Variants in FMN2 observed in about 807,000 individuals in gnomAD.
FMN2 encodes formin-2.
In FMN2, 51 loss-of-function variants were observed where a neutral mutation model predicts 142.3. That is an observed-to-expected ratio of 0.36 (90% CI 0.29 to 0.45). The LOEUF (loss-of-function observed/expected upper bound fraction) is 0.45. FMN2 is among the 20% of genes least tolerant of loss of function. The pLI is 1.00. For synonymous variants in FMN2, 882 were observed against 869.8 expected (o/e 1.01, Z -0.25); for missense variants, 1,936 against 2,122.8 (o/e 0.91, Z 1.73).
chr1:240,361,357 C>G (rs1672476211), intron 14 of FMN2, among the ~76,000 whole-genome samples: 2 of 151,640 alleles, frequency 1.3e-5, no homozygotes, highest in African/African-American at 4.8e-5. Context: ...TGGGGAGCAA[C>G]AGTTTCCCAG....
intron 8 of FMN2, among the ~76,000 whole-genome samples, chr1:240,313,593 A>G (rs908727235): frequency 1.3e-5 from 2 of 152,150 alleles, no homozygotes; most frequent in Non-Finnish European, 2.9e-5. Context: ...ATACTGCAGC[A>G]TGGTTTTATT....
intron 8 of FMN2, among the ~76,000 whole-genome samples, chr1:240,303,910 A>T (rs1670288873): frequency 6.6e-6 from 1 of 151,940 alleles, no homozygotes; most frequent in African/African-American, 2.4e-5. Flanking sequence ...AAGTTCATGG[A>T]TTCATTCTTT....
chr1:240,298,526 C>A (rs547027644), intron 8 of FMN2, among the ~76,000 whole-genome samples: 65 of 152,288 alleles, frequency 4.3e-4, no homozygotes, highest in Middle Eastern at 3.4e-3. Context: ...CTGTTAGGAA[C>A]TGGGCCACAC....
At chr1:240,279,402 T>A (rs142538402) in intron 7 of FMN2, among the ~76,000 whole-genome samples, 30 of 151,710 alleles carry the variant, frequency 2.0e-4, no homozygotes, top group African/African-American at 7.3e-4. Flanking sequence ...GAGGAAGAGG[T>A]TGGGGTTGGG....
chr1:240,371,470 C>T (rs991060286), intron 14 of FMN2, among the ~76,000 whole-genome samples: 1 of 152,092 alleles, frequency 6.6e-6, no homozygotes, highest in Non-Finnish European at 1.5e-5. Context: ...TGACGTGAAT[C>T]TTCCAGTTTT....
At chr1:240,344,674 A>C (rs547486945) in intron 13 of FMN2, among the ~76,000 whole-genome samples, 262 of 152,304 alleles carry the variant, frequency 1.7e-3, no homozygotes, top group African/African-American at 6.2e-3. Context: ...CTAAGATTTG[A>C]TGCCATTTAT....
chr1:240,458,725 A>C (rs1320026326), intron 16 of FMN2: 1 of 152,246 alleles, frequency 6.6e-6, no homozygotes, highest in Non-Finnish European at 1.5e-5. Context: ...TCTGATAATA[A>C]AAGATGAATC....
At chr1:240,289,842 C>G (rs1262162341) in intron 7 of FMN2, among the ~76,000 whole-genome samples, 4 of 152,126 alleles carry the variant, frequency 2.6e-5, no homozygotes, top group Non-Finnish European at 5.9e-5. Context: ...AAGTCCTTTC[C>G]CTTCTGTGCA....
At chr1:240,385,797 A>C (rs1474130260) in intron 14 of FMN2, among the ~76,000 whole-genome samples, 1 of 152,082 alleles carries the variant, frequency 6.6e-6, no homozygotes, top group African/African-American at 2.4e-5. Context: ...AGTATGTGTC[A>C]TTTTCTATTA....
chr1:240,169,991 TTTC>T (rs1167393636), intron 2 of FMN2, among the ~76,000 whole-genome samples: 1 of 152,202 alleles, frequency 6.6e-6, no homozygotes, highest in Non-Finnish European at 1.5e-5. Flanking sequence ...GTGCTGATAG[TTTC>T]TTATTAAGAG....
intron 15 of FMN2, among the ~76,000 whole-genome samples, chr1:240,429,971 T>C (rs1468057401): frequency 2.6e-5 from 4 of 151,402 alleles, no homozygotes; most frequent in Non-Finnish European, 5.9e-5. Flanking sequence ...CTGCAAGCTC[T>C]GCCTCCCGGG....
chr1:240,254,969 G>T (rs2102892050), intron 6 of FMN2, among the ~76,000 whole-genome samples: 1 of 152,286 alleles, frequency 6.6e-6, no homozygotes, highest in Non-Finnish European at 1.5e-5. Context: ...CCCTCTGGAG[G>T]GGTGCCGCTG....
intron 7 of FMN2, among the ~76,000 whole-genome samples, chr1:240,276,155 G>C (rs534847384): frequency 1.3e-5 from 2 of 152,302 alleles, no homozygotes; most frequent in Admixed American, 6.5e-5. Context: ...TAGTATGAAT[G>C]CTGGGCAGCA....
chr1:240,281,109 T>C (rs1253852473), intron 7 of FMN2, among the ~76,000 whole-genome samples: 1 of 152,160 alleles, frequency 6.6e-6, no homozygotes, highest in East Asian at 1.9e-4. Context: ...CATAGGTGTA[T>C]GAAGCCTACC....
At chr1:240,413,386 A>G (rs1674479615) in intron 15 of FMN2, among the ~76,000 whole-genome samples, 2 of 152,012 alleles carry the variant, frequency 1.3e-5, no homozygotes, top group Admixed American at 1.3e-4. Context: ...TAGGAGTGAC[A>G]TGAGAACTGA....
chr1:240,181,495 C>T (rs1412819168), intron 3 of FMN2, among the ~76,000 whole-genome samples: 1 of 152,154 alleles, frequency 6.6e-6, no homozygotes, highest in African/African-American at 2.4e-5. Flanking sequence ...GGAACTGACC[C>T]TTCTTTGTAT....
At chr1:240,310,334 A>G (rs367607619) in intron 8 of FMN2, among the ~76,000 whole-genome samples, 5 of 152,304 alleles carry the variant, frequency 3.3e-5, no homozygotes, top group African/African-American at 1.2e-4. Context: ...TCTCTGTGAA[A>G]CAGATGGAAG....
intron 1 of FMN2, among the ~76,000 whole-genome samples, chr1:240,099,320 T>G (rs73128544): frequency 0.053 from 8,046 of 151,330 alleles, 422 homozygotes; most frequent in African/African-American, 0.13. Context: ...GTTTTGTTTT[T>G]TTTTGCAAAT....
At chr1:240,176,219 AT>A (rs1321790192) in intron 2 of FMN2, among the ~76,000 whole-genome samples, 4 of 152,124 alleles carry the variant, frequency 2.6e-5, no homozygotes, top group Non-Finnish European at 5.9e-5. Context: ...TCCATTTTGA[AT>A]TTTTGTATAT....
Sources: gnomAD v4.1 joint callset for allele counts (sites outside exome capture counted in the v4.1 genomes callset) on GRCh38, gnomAD v4.1.1 for gene constraint, MANE v1.5 for transcripts, NCBI Gene and HGNC (gene_info 2026-07-23, HGNC 2026-07-21) for gene names.